The following PXT1 variants were observed in gnomAD, a reference collection of about 807,000 sequenced individuals.
PXT1 encodes the protein peroxisomal testis-specific protein 1.
Under a neutral mutation model 11.0 loss-of-function variants are expected in PXT1, and 11 were observed. The ratio of observed to expected loss-of-function variants is 1.00; its 90% CI spans 0.63 to 1.66. The LOEUF (loss-of-function observed/expected upper bound fraction) is 1.66. Ranked by LOEUF, PXT1 falls within the 40% of genes most tolerant of loss-of-function variation. The probability of loss-of-function intolerance (pLI) is 0.00; values close to 1 mark genes in which losing one functional copy is unlikely to be tolerated. For missense variants in PXT1, 141 were observed against 155.5 expected, an observed-to-expected ratio of 0.91 and a Z score of 0.49; for synonymous variants, 43 against 51.4, an observed-to-expected ratio of 0.84 and a Z score of 0.70.
chr6:36,442,189 C>T (rs1013539913), intron 1 of PXT1, among the ~76,000 whole-genome samples: 2 of 152,096 alleles, frequency 1.3e-5, no homozygotes, highest in Non-Finnish European at 2.9e-5. Context: ...CCACCACGCC[C>T]GGCTAATTTT....
At chr6:36,406,830 T>C (rs1344529224) in intron 3 of PXT1, among the ~76,000 whole-genome samples, 21 of 144,748 alleles carry the variant, frequency 1.5e-4, no homozygotes, top group African/African-American at 5.1e-4. Flanking sequence ...AAAAAAAGAC[T>C]CAAGAAAGAC....
intron 3 of PXT1, among the ~76,000 whole-genome samples, chr6:36,422,647 C>T (rs890160910): frequency 2.0e-5 from 3 of 151,696 alleles, no homozygotes; most frequent in Non-Finnish European, 4.4e-5. Flanking sequence ...AATGAATGAA[C>T]GAATTAAAAA....
At chr6:36,397,465 T>C (rs868660780) in intron 4 of PXT1, among the ~76,000 whole-genome samples, 1 of 151,934 alleles carries the variant, frequency 6.6e-6, no homozygotes, top group Non-Finnish European at 1.5e-5. Flanking sequence ...ACAACCCATA[T>C]GCAAAAAAAT....
intron 3 of PXT1, among the ~76,000 whole-genome samples, chr6:36,411,354 G>C (rs1159224995): frequency 2.0e-5 from 3 of 152,186 alleles, no homozygotes; most frequent in Non-Finnish European, 4.4e-5. Flanking sequence ...GGGAGGCTGA[G>C]GCAGGAGAAT....
chr6:36,416,948 C>T (rs912435302), intron 3 of PXT1, among the ~76,000 whole-genome samples: 1 of 152,206 alleles, frequency 6.6e-6, no homozygotes, highest in Non-Finnish European at 1.5e-5. Context: ...TTAGTATCTT[C>T]ATCCTACAAA....
intron 4 of PXT1, among the ~76,000 whole-genome samples, chr6:36,398,103 A>C (rs1774168582): frequency 1.3e-5 from 2 of 152,240 alleles, no homozygotes; most frequent in Admixed American, 1.3e-4. Flanking sequence ...CAAAGAGAAA[A>C]ATGACCAATA....
chr6:36,435,760 C>T (rs1458033172), intron 2 of PXT1, among the ~76,000 whole-genome samples: 2 of 152,122 alleles, frequency 1.3e-5, no homozygotes, highest in African/African-American at 2.4e-5. Flanking sequence ...TAAGAACAAA[C>T]TTGATGGCAC....
intron 3 of PXT1, among the ~76,000 whole-genome samples, chr6:36,412,030 T>G (rs866172407): frequency 1.2e-4 from 18 of 152,048 alleles, no homozygotes; most frequent in South Asian, 2.1e-4. Flanking sequence ...TTGCAAATTC[T>G]AATGTATGTG....
chr6:36,415,337 G>T (rs1364082010), intron 3 of PXT1, among the ~76,000 whole-genome samples: 5 of 152,146 alleles, frequency 3.3e-5, no homozygotes, highest in African/African-American at 9.7e-5. Flanking sequence ...CAGCTACTAG[G>T]GGGTGCTGAG....
At chr6:36,419,276 A>G (rs1329000135) in intron 3 of PXT1, among the ~76,000 whole-genome samples, 2 of 152,242 alleles carry the variant, frequency 1.3e-5, no homozygotes, top group Non-Finnish European at 2.9e-5. Flanking sequence ...ATTGATTTGT[A>G]ACTATTAGTT....
intron 2 of PXT1, among the ~76,000 whole-genome samples, chr6:36,433,547 C>T (rs1010139572): frequency 2.0e-5 from 3 of 151,826 alleles, no homozygotes; most frequent in East Asian, 3.9e-4. Context: ...AGGCCGGGCA[C>T]GGTGGTTCAC....
chr6:36,425,805 A>AAACAAACAAAAAAAAAAAATAT (rs1554154141), intron 3 of PXT1, 109 bp downstream of exon 3: 128 of 335,638 alleles, frequency 3.8e-4, no homozygotes, highest in African/African-American at 2.6e-3. Flanking sequence ...AAAAACAAAA[A>AAACAAACAAAAAAAAAAAATAT]ATATATATAT....
At chr6:36,425,520 C>A (rs1774588988) in intron 3 of PXT1, among the ~76,000 whole-genome samples, 1 of 151,930 alleles carries the variant, frequency 6.6e-6, no homozygotes, top group Non-Finnish European at 1.5e-5. Context: ...CACGGTGGCT[C>A]ACGCCTGTAA....
intron 2 of PXT1, 49 bp from the exon 3 acceptor site, chr6:36,426,140 A>T (rs1582268118): frequency 8.6e-7 from 1 of 1,164,162 alleles, no homozygotes; most frequent in East Asian, 2.7e-5. Flanking sequence ...CTCAGTAAAT[A>T]TTTGGTATTT....
chr6:36,436,808 A>G (rs1561935575), intron 2 of PXT1, among the ~76,000 whole-genome samples: 1 of 152,196 alleles, frequency 6.6e-6, no homozygotes, highest in Non-Finnish European at 1.5e-5. Flanking sequence ...TCCATTGGGA[A>G]ATATTTATTA....
chr6:36,413,557 A>G (rs1294583917), intron 3 of PXT1, among the ~76,000 whole-genome samples: 3 of 152,232 alleles, frequency 2.0e-5, no homozygotes, highest in Non-Finnish European at 4.4e-5. Flanking sequence ...CTTTGAGGAG[A>G]CACATGAATT....
At chr6:36,401,170 A>G (rs1774208210) in intron 3 of PXT1, among the ~76,000 whole-genome samples, 1 of 151,686 alleles carries the variant, frequency 6.6e-6, no homozygotes, top group Admixed American at 6.6e-5. Flanking sequence ...ATATTATTAT[A>G]ACATTAATAA....
At chr6:36,414,817 C>A (rs1229555909) in intron 3 of PXT1, among the ~76,000 whole-genome samples, 1 of 152,216 alleles carries the variant, frequency 6.6e-6, no homozygotes, top group Non-Finnish European at 1.5e-5. Flanking sequence ...TAAACCACCT[C>A]ACCAGAGCTC....
At chr6:36,415,563 G>A (rs575430906) in intron 3 of PXT1, among the ~76,000 whole-genome samples, 1 of 152,222 alleles carries the variant, frequency 6.6e-6, no homozygotes, top group African/African-American at 2.4e-5. Flanking sequence ...TTTTCATGAC[G>A]GTGAGTATGA....
Sources: allele counts gnomAD v4.1 joint callset (sites outside exome capture counted in the v4.1 genomes callset), GRCh38; gene constraint gnomAD v4.1.1; transcripts MANE v1.5; gene names NCBI Gene and HGNC (gene_info 2026-07-23, HGNC 2026-07-21).